Variants in KCTD1 observed in about 807,000 individuals in gnomAD.
The protein encoded by KCTD1 is BTB/POZ domain-containing protein KCTD1.
A neutral mutation model predicts 66.0 loss-of-function variants in KCTD1; 24 were observed. The observed-to-expected ratio is 0.36, with a 90% CI of 0.26 to 0.51. KCTD1 has a LOEUF of 0.51. Among genes scored for constraint, KCTD1 ranks in the 20% least tolerant of loss-of-function variants. KCTD1 has a pLI of 0.95. For missense variants in KCTD1, 943 were observed against 1,205.2 expected (o/e 0.78, Z 3.22); for synonymous variants, 511 against 517.2 (o/e 0.99, Z 0.16).
chr18:26,527,119 A>G (rs1465810865), intron 1 of KCTD1, among the ~76,000 whole-genome samples: 1 of 152,076 alleles, frequency 6.6e-6, no homozygotes, highest in Non-Finnish European at 1.5e-5. Context: ...AGGGACAGAA[A>G]TTTACTCTCC....
At position 26,521,902 on chromosome 18, in the gene KCTD1, T is replaced by C. The variant is rs185358518; in HGVS notation, c.1810-20652A>G. 2.6e-5 allele frequency among the ~76,000 whole-genome samples: 4 copies of C among 152,340 alleles called. No individual in the cohort carries two copies. In the East Asian group the frequency reaches 7.7e-4, roughly 29 times the overall value. On this transcript the variant is annotated intron_variant, in intron 1 of 4. Transcript: ENST00000580059. Reference sequence around the variant, plus strand: ...GTCTATACCTTAATTGGGGCAGTGTTATTTGTCAAAATTCACTAAACTGTA... The same window carrying C: ...GTCTATACCTTAATTGGGGCAGTGTCATTTGTCAAAATTCACTAAACTGTA...
chr18:26,548,116 C>T lies in KCTD1; in HGVS notation c.421G>A (p.Ala141Thr). 1 of 1,308,502 alleles carries T rather than the reference C, an allele frequency of 7.6e-7. No homozygotes were observed. The highest frequency in any genetic ancestry group is 9.6e-7 in the Non-Finnish European group (1 of 1,038,018). 81.1% of individuals were successfully genotyped at this position (1,308,502 alleles called of 1,614,324 possible). The change falls in exon 1 of 5, where the codon GCG (alanine) becomes ACG (threonine). Residue 141 changes from alanine to threonine, a missense_variant. Transcript: ENST00000580059. ...GGCGGCCCACCGCGGGCCCGGGGCG[C>T]CAGCAGTCGCGGCGGCGCCTCGGGC... ...LEPEAPPRLLAPRARGGPPGD... is the reference protein window; with the variant it reads ...LEPEAPPRLLTPRARGGPPGD...
At chr18:26,577,749 T>G (rs1986259420) in intron 1 of KCTD1, among the ~76,000 whole-genome samples, 1 of 151,972 alleles carries the variant, frequency 6.6e-6, no homozygotes, top group African/African-American at 2.4e-5. Flanking sequence ...GTTTTTTTGT[T>G]TTTTTGTAGA....
rs1300211944 is a variant in KCTD1, at chr18:26,547,111, G to A, written c.1426C>T (p.Pro476Ser). ...GIGTKLGSPA[P>S]QGCYAEALNG... ...AGAGCCTCGGCGTAGCAGCCCTGCG[G>A]GGCGGGCGAGCCCAGCTTGGTGCCA... Residue 476 changes from proline (P) to serine (S), a missense_variant, in exon 1 of 5, where the codon CCG becomes TCG. Coordinates refer to ENST00000580059, the MANE Select transcript of KCTD1 (RefSeq NM_001142730.3). 1.3e-6 allele frequency: 2 copies of A among 1,549,230 alleles called. No individual in the cohort carries two copies. Among genetic ancestry groups the A allele is most frequent in the Non-Finnish European group, 1.7e-6 (2 of 1,146,822 alleles).
Position 26,523,948 on chromosome 18 carries a change from A to G in KCTD1, c.1810-22698T>C, listed in dbSNP as rs553993018. ...TGCTGGCCAACGGGGCTTCAAGCAG[A>G]GAACAGACTCGAATCTGCAGTCTCA... On this transcript the variant is annotated intron_variant, in intron 1 of 4. Transcript: ENST00000580059. Among the ~76,000 whole-genome samples the G allele has an allele frequency of 2.6e-5, 4 of 152,372 alleles. No individual in the cohort carries two copies. In the East Asian group the frequency reaches 7.7e-4, roughly 29 times the overall value.
upstream of KCTD1, among the ~76,000 whole-genome samples, chr18:26,550,565 GACACACACACAC>G (rs60922405): frequency 3.3e-4 from 47 of 140,582 alleles, no homozygotes; most frequent in Middle Eastern, 3.8e-3. This position sits in a 1 kb window ranked among gnomAD's most constrained non-coding sequence, Gnocchi z 5.4. Context: ...AAGACACACA[GACACACACACAC>G]ACACACACAC....
At chr18:26,654,547 T>C (rs1043877280) in intron 1 of KCTD1, among the ~76,000 whole-genome samples, 2 of 152,150 alleles carry the variant, frequency 1.3e-5, no homozygotes, top group African/African-American at 4.8e-5. Flanking sequence ...AAGAGAGACA[T>C]CTAGTGTGTG....
intron 1 of KCTD1, among the ~76,000 whole-genome samples, chr18:26,537,284 GT>G (rs1208493569): frequency 2.0e-5 from 3 of 152,100 alleles, no homozygotes; most frequent in Admixed American, 2.0e-4. Flanking sequence ...TTTAGATATA[GT>G]TTTGTCAGAA....
At chr18:26,653,067 A>G (rs1205121970) in intron 1 of KCTD1, among the ~76,000 whole-genome samples, 1 of 152,148 alleles carries the variant, frequency 6.6e-6, no homozygotes, top group Non-Finnish European at 1.5e-5. Context: ...GATGACTATA[A>G]TAGCCTTCCA....
rs1370415675 is a variant in KCTD1 at position 26,547,199 on chromosome 18, C to T, written c.1338G>A (p.Lys446=). ...QMLSKAAKLS[K]TYTNHCIGAV... The stretch of plus-strand genomic sequence containing the variant: ...CGCCGATGCAGTGGTTGGTGTAGGT[C>T]TTGGAGAGCTTGGCCGCCTTGGAGA... Residue 446 remains lysine, a synonymous_variant, in exon 1 of 5, where the codon AAG becomes AAA. Coordinates refer to ENST00000580059, the MANE Select transcript of KCTD1 (RefSeq NM_001142730.3). 1.9e-6 allele frequency: 3 copies of T among 1,551,330 alleles called. No homozygotes were observed. The highest frequency in any genetic ancestry group is 2.6e-6 in the Non-Finnish European group (3 of 1,146,994).
intron 1 of KCTD1, among the ~76,000 whole-genome samples, chr18:26,607,831 G>A (rs1449682669): frequency 1.3e-5 from 2 of 152,162 alleles, no homozygotes; most frequent in African/African-American, 4.8e-5. Flanking sequence ...GCAGTGGTGT[G>A]ATCTTGGTTC....
intron 1 of KCTD1, among the ~76,000 whole-genome samples, chr18:26,511,156 A>G (rs1230028670): frequency 6.6e-6 from 1 of 152,174 alleles, no homozygotes; most frequent in African/African-American, 2.4e-5. Flanking sequence ...GATTTTTGAC[A>G]TTTTTAAGAG....
At chr18:26,457,527 A>C (rs1980157572) in intron 4 of KCTD1, 1 of 152,236 alleles carries the variant, frequency 6.6e-6, no homozygotes, top group Admixed American at 6.5e-5. Flanking sequence ...TTGAGTCTTA[A>C]GGTCACTAAA....
intron 2 of KCTD1, among the ~76,000 whole-genome samples, chr18:26,486,394 T>C (rs1450274491): frequency 6.6e-6 from 1 of 152,226 alleles, no homozygotes; most frequent in Non-Finnish European, 1.5e-5. Flanking sequence ...GTCCCAGAAG[T>C]CCCAGCTCCT....
intron 1 of KCTD1, among the ~76,000 whole-genome samples, chr18:26,656,024 G>A (rs577682815): frequency 5.5e-4 from 83 of 152,280 alleles, no homozygotes; most frequent in African/African-American, 1.8e-3. Flanking sequence ...ATAAAGAAGG[G>A]TGGCGGGAGT....
chr18:26,500,002 A>C (rs1982672728), intron 2 of KCTD1, among the ~76,000 whole-genome samples: 2 of 152,220 alleles, frequency 1.3e-5, no homozygotes, highest in Non-Finnish European at 2.9e-5. Context: ...GGTTGGGGCA[A>C]GGTGCAGTGG....
At chr18:26,627,900 GA>G (rs1987537117) in intron 1 of KCTD1, among the ~76,000 whole-genome samples, 6 of 152,166 alleles carry the variant, frequency 3.9e-5, no homozygotes, top group Non-Finnish European at 7.3e-5. Flanking sequence ...CTTGCTGTAG[GA>G]ACTTGGTGGT....
chr18:26,621,313 T>C (rs1418311474), intron 1 of KCTD1, among the ~76,000 whole-genome samples: 1 of 152,108 alleles, frequency 6.6e-6, no homozygotes, highest in Non-Finnish European at 1.5e-5. Context: ...TGTCACAAAA[T>C]ACACACTCCA....
intron 4 of KCTD1, chr18:26,456,610 G>A (rs945561516): frequency 1.3e-5 from 2 of 152,152 alleles, no homozygotes; most frequent in Non-Finnish European, 2.9e-5. Flanking sequence ...ATTAGAAAAT[G>A]TAAGAAAAAT....
Sources: allele counts gnomAD v4.1 joint callset (sites outside exome capture counted in the v4.1 genomes callset), GRCh38; gene constraint gnomAD v4.1.1; non-coding constraint Gnocchi (gnomAD v3.1); transcripts MANE v1.5; gene names NCBI Gene and HGNC (gene_info 2026-07-23, HGNC 2026-07-21).